Variants in PTPRS observed in about 807,000 individuals in gnomAD.
The protein encoded by PTPRS is protein tyrosine phosphatase receptor type S, also known as receptor-type tyrosine-protein phosphatase S.
Under a neutral mutation model 215.3 loss-of-function variants are expected in PTPRS, and 63 were observed. The observed-to-expected ratio is 0.29, with a 90% CI of 0.24 to 0.36. PTPRS has a LOEUF of 0.36. Ranked by LOEUF, PTPRS falls within the 10% of genes least tolerant of loss-of-function variation. PTPRS has a pLI of 1.00. For synonymous variants in PTPRS, 1,404 were observed against 1,191.4 expected (o/e 1.18, Z -3.68); for missense variants, 2,258 against 2,825.8 (o/e 0.80, Z 4.56).
chr19:5,272,978 A>C, intron 4 of PTPRS: 1 of 194,350 alleles, frequency 5.1e-6, no homozygotes, highest in South Asian at 9.7e-5. Flanking sequence ...AATGGGATCC[A>C]AGTTCATTGG....
rs749395911 is a variant in PTPRS, at chr19:5,207,980, T to C, written c.5720A>G (p.Asp1907Gly). 1.2e-6 allele frequency: 2 copies of C among 1,614,126 alleles called. No homozygotes were observed. The highest frequency in any genetic ancestry group is 1.1e-5 in the South Asian group (1 of 91,088). Residue 1907 changes from aspartate to glycine, a missense_variant, in exon 37 of 38, where the codon GAC becomes GGC. Around this residue, in one of 6 missense-constraint regions of PTPRS, gnomAD observed 89 missense variants for 104.0 expected, o/e 0.86. Transcript: ENST00000262963. Reference sequence around the variant, plus strand: ...TAGCATCTTCACCGTCTGAAAGATGTCCACCACGCCTTCATACCGCATCCG... The same window carrying C: ...TAGCATCTTCACCGTCTGAAAGATGCCCACCACGCCTTCATACCGCATCCG... ...LERMRYEGVV[D>G]IFQTVKMLRT...
At chr19:5,322,898 A>G (rs112336807) in intron 1 of PTPRS, among the ~76,000 whole-genome samples, 34 of 120,332 alleles carry the variant, frequency 2.8e-4, no homozygotes, top group South Asian at 1.0e-3. Flanking sequence ...AAAAAAAAAA[A>G]AAGAAGAAGA....
intron 1 of PTPRS, chr19:5,286,454 T>C (rs2048359155): frequency 2.7e-6 from 1 of 375,980 alleles, no homozygotes; most frequent in East Asian, 5.0e-5. Context: ...TGTTGAAACC[T>C]AGTCCCCACT....
chr19:5,331,125 TTTTAAAAAA>T (rs1441067604), intron 1 of PTPRS, among the ~76,000 whole-genome samples: 4 of 78,772 alleles, frequency 5.1e-5, no homozygotes, highest in African/African-American at 3.5e-4. Flanking sequence ...GGGCTTCTTT[TTTTAAAAAA>T]AAAAAAAAAA....
Position 5,240,222 on chromosome 19 carries a change from G to C in PTPRS, c.1681C>G (p.Arg561Gly). Residue 561 changes from arginine to glycine, a missense_variant, in exon 12 of 38, where the codon CGG becomes GGG. Coordinates refer to ENST00000262963, the MANE Select transcript of PTPRS (RefSeq NM_002850.4). ...ESIIKYELLFREGDHGREVGR... is the reference protein window; with the variant it reads ...ESIIKYELLFGEGDHGREVGR... ...ACCTCCCGGCCATGGTCGCCTTCCC[G>C]GAAGAGGAGCTCGTACTTGATGATA... 2 of 1,554,330 alleles carry C rather than the reference G, an allele frequency of 1.3e-6. No individual in the cohort carries two copies. Among genetic ancestry groups the C allele is most frequent in the South Asian group, 1.2e-5 (1 of 83,806 alleles).
intron 1 of PTPRS, among the ~76,000 whole-genome samples, chr19:5,331,088 G>A (rs1442067954): frequency 2.1e-5 from 3 of 143,682 alleles, no homozygotes; most frequent in Non-Finnish European, 3.0e-5. Context: ...GATTTCTCTC[G>A]CTGTCTTGGG....
chr19:5,223,316 G>T lies in PTPRS; in HGVS notation c.2495-19C>A. The T allele has an allele frequency of 6.9e-7, 1 of 1,442,530 alleles. No individual in the cohort carries two copies. The highest frequency in any genetic ancestry group is 2.6e-5 in the East Asian group (1 of 38,064). 89.4% of individuals were successfully genotyped at this position (1,442,530 alleles called of 1,614,324 possible). A position where few individuals can be genotyped will look rare whatever the true frequency, so the allele number is the denominator to read the frequency against. On this transcript the variant is annotated intron_variant, in intron 17 of 37. Transcript: ENST00000262963. ...CCCAGCACTGCGGGGATACGGGGCAGGTGTCAGGGTCCCAGCGCCATCCGC... is the reference window on the plus strand; with the variant it reads ...CCCAGCACTGCGGGGATACGGGGCATGTGTCAGGGTCCCAGCGCCATCCGC...
chr19:5,289,105 C>G (rs918334862), intron 1 of PTPRS, among the ~76,000 whole-genome samples: 1 of 152,134 alleles, frequency 6.6e-6, no homozygotes, highest in Non-Finnish European at 1.5e-5. Flanking sequence ...GACAAAACAT[C>G]CCGGGGTCCC....
chr19:5,303,266 G>A (rs1341443990), intron 1 of PTPRS, among the ~76,000 whole-genome samples: 1 of 152,228 alleles, frequency 6.6e-6, no homozygotes, highest in Non-Finnish European at 1.5e-5. Flanking sequence ...TTGTGGGTCT[G>A]AAGTCTGTAA....
Position 5,246,059 on chromosome 19 carries a change from G to A in PTPRS, c.719-14C>T, listed in dbSNP as rs374093691. The A allele has an allele frequency of 2.8e-5, 40 of 1,442,796 alleles. No homozygotes were observed. Among genetic ancestry groups the A allele is most frequent in the East Asian group, 8.1e-5 (3 of 37,040 alleles). The allele number at this position is 1,442,796 out of a possible 1,614,324, so 89.4% of individuals were successfully genotyped here. ...CCACGCGGCGGACTGGGGAGGGGGC[G>A]GCAGTGGCGGCGGGAGGGAGATGCG... On this transcript the variant is annotated splice_polypyrimidine_tract_variant and intron_variant, in intron 9 of 37. Coordinates refer to ENST00000262963, the MANE Select transcript of PTPRS (RefSeq NM_002850.4).
At chr19:5,318,855 G>T (rs904164532) in intron 1 of PTPRS, among the ~76,000 whole-genome samples, 1 of 152,176 alleles carries the variant, frequency 6.6e-6, no homozygotes, top group Non-Finnish European at 1.5e-5. Flanking sequence ...GGCCTAGGCT[G>T]TCAGGGTGTC....
At chr19:5,304,357 G>A (rs1045226188) in intron 1 of PTPRS, among the ~76,000 whole-genome samples, 1 of 152,182 alleles carries the variant, frequency 6.6e-6, no homozygotes, top group Non-Finnish European at 1.5e-5. Flanking sequence ...GCATATGCCT[G>A]TAATCCCAGC....
intron 35 of PTPRS, 130 bp from the exon 36 acceptor site, chr19:5,208,521 G>C: frequency 2.0e-6 from 2 of 985,718 alleles, no homozygotes; most frequent in Non-Finnish European, 2.8e-6. Context: ...CACTCTTGTC[G>C]CCCAGGTTGG....
chr19:5,298,863 C>T (rs1230920666), intron 1 of PTPRS, among the ~76,000 whole-genome samples: 2 of 152,224 alleles, frequency 1.3e-5, no homozygotes, highest in African/African-American at 4.8e-5. Flanking sequence ...GATAGCAGCT[C>T]TGTCCTTCCA....
intron 26 of PTPRS, 79 bp downstream of exon 26, chr19:5,216,641 G>C (rs554228642): frequency 7.5e-6 from 9 of 1,201,752 alleles, no homozygotes; most frequent in Non-Finnish European, 1.1e-5. Flanking sequence ...ACAGAGACAG[G>C]AGACACGATG....
chr19:5,285,584 T>G (rs978519389), intron 2 of PTPRS, among the ~76,000 whole-genome samples: 3 of 152,222 alleles, frequency 2.0e-5, no homozygotes, highest in South Asian at 4.1e-4. Context: ...TCTGCCTGTG[T>G]GTCTGCCACC....
At position 5,265,195 on chromosome 19, in the gene PTPRS, C is replaced by G; in HGVS notation, c.381G>C (p.Glu127Asp). Residue 127 changes from glutamate (E) to aspartate (D), a missense_variant and splice_region_variant, in exon 5 of 38, where the codon GAG becomes GAC. Coordinates refer to ENST00000262963, the MANE Select transcript of PTPRS (RefSeq NM_002850.4). ...TVHAKLTVLR[E>D]DQLPSGFPNI... ...TGGGGAAGCCAGAGGGCAGCTGGTC[C>G]TCTGAGGGCAGAGACGTGAGAGAAA... 1.2e-6 allele frequency: 2 copies of G among 1,613,196 alleles called. No homozygotes were observed. The highest frequency in any genetic ancestry group is 1.7e-6 in the Non-Finnish European group (2 of 1,179,514).
At chr19:5,327,556 C>A (rs562695449) in intron 1 of PTPRS, among the ~76,000 whole-genome samples, 59 of 152,264 alleles carry the variant, frequency 3.9e-4, no homozygotes, top group African/African-American at 1.4e-3. Context: ...AACTTCTCCA[C>A]CTGTCTGGCC....
chr19:5,229,657 T>C lies in PTPRS; in HGVS notation c.2183A>G (p.Glu728Gly). Reference sequence around the variant, plus strand: ...GGCCGTGGCGTTGAGCGCCTCCGCCTCCACCTTCCGCGGCGGCGCGCTGGG... The same window carrying C: ...GGCCGTGGCGTTGAGCGCCTCCGCCCCCACCTTCCGCGGCGGCGCGCTGGG... ...DVPSAPPRKV[E>G]AEALNATAIR... is the part of the protein sequence containing the mutation. The change falls in exon 15 of 38, where the codon GAG becomes GGG. Residue 728 changes from glutamate (E) to glycine (G), a missense_variant. Coordinates refer to ENST00000262963, the MANE Select transcript of PTPRS (RefSeq NM_002850.4). The C allele has an allele frequency of 7.9e-7, 1 of 1,263,888 alleles. No individual in the cohort carries two copies. Among genetic ancestry groups the C allele is most frequent in the South Asian group, 2.7e-5 (1 of 37,712 alleles). 78.3% of individuals were successfully genotyped at this position (1,263,888 alleles called of 1,614,324 possible).
Sources: allele counts gnomAD v4.1 joint callset (sites outside exome capture counted in the v4.1 genomes callset), GRCh38; gene constraint gnomAD v4.1.1; regional missense constraint gnomAD v4.1.1; transcripts MANE v1.5; gene names NCBI Gene and HGNC (gene_info 2026-07-23, HGNC 2026-07-21).